RERE: variants seen among roughly 807,000 people sequenced by gnomAD.
RERE encodes the protein arginine-glutamic acid dipeptide repeats protein.
RERE carries 40 observed loss-of-function variants against 146.1 expected under a neutral mutation model. The observed-to-expected ratio is 0.27, with a 90% CI of 0.21 to 0.36. The LOEUF (loss-of-function observed/expected upper bound fraction) is 0.36, where lower values mean the gene tolerates loss of function less well. Ranked by LOEUF, RERE falls within the 10% of genes least tolerant of loss-of-function variation. RERE has a pLI of 1.00. For missense variants in RERE, 1,933 were observed against 2,138.7 expected (o/e 0.90, Z 1.90); for synonymous variants, 1,003 against 866.0 (o/e 1.16, Z -2.78).
chr1:8,763,104 G>A (rs1308114997), intron 1 of RERE, among the ~76,000 whole-genome samples: 4 of 151,980 alleles, frequency 2.6e-5, no homozygotes, highest in African/African-American at 9.7e-5. Context: ...GAAAACAGAA[G>A]ATTATTTCTA....
At chr1:8,453,080 GGA>G (rs1644407204) in intron 11 of RERE, among the ~76,000 whole-genome samples, 1 of 152,280 alleles carries the variant, frequency 6.6e-6, no homozygotes, top group South Asian at 2.1e-4. Context: ...AAAAAGAGAG[GGA>G]GAGAGAGGAA....
At chr1:8,660,943 C>G (rs893012852) in intron 1 of RERE, among the ~76,000 whole-genome samples, 2 of 152,148 alleles carry the variant, frequency 1.3e-5, no homozygotes, top group African/African-American at 4.8e-5. Context: ...ATTTACAGCT[C>G]CAGGTGTTGG....
At chr1:8,762,492 A>G (rs1447006785) in intron 1 of RERE, among the ~76,000 whole-genome samples, 20 of 152,200 alleles carry the variant, frequency 1.3e-4, no homozygotes. Context: ...GACTAATCAT[A>G]ATTTCCATGA....
At chr1:8,584,388 T>TA (rs901445943) in intron 4 of RERE, among the ~76,000 whole-genome samples, 11 of 150,824 alleles carry the variant, frequency 7.3e-5, no homozygotes, top group African/African-American at 2.4e-4. Flanking sequence ...CAACGAAAAA[T>TA]AAAAAAAAAT....
At chr1:8,513,019 C>T (rs914283725) in intron 7 of RERE, 3 of 152,250 alleles carry the variant, frequency 2.0e-5, no homozygotes, top group African/African-American at 7.2e-5. Flanking sequence ...CACCCTCAAG[C>T]ACCACGAGGA....
intron 7 of RERE, among the ~76,000 whole-genome samples, chr1:8,530,190 C>G (rs1307706359): frequency 1.3e-5 from 2 of 152,200 alleles, no homozygotes; most frequent in African/African-American, 4.8e-5. Context: ...TCCCAGACAT[C>G]CTTCTCTCCT....
At chr1:8,512,662 G>A (rs1645356972) in intron 7 of RERE, 1 of 152,406 alleles carries the variant, frequency 6.6e-6, no homozygotes, top group African/African-American at 2.4e-5. Context: ...AGCTCTGGGA[G>A]GCATGAGTGA....
intron 7 of RERE, among the ~76,000 whole-genome samples, chr1:8,520,754 T>TTAA: frequency 1.1e-5 from 1 of 92,992 alleles, no homozygotes; most frequent in African/African-American, 4.1e-5. Context: ...AAAAACTTTT[T>TTAA]AAAAAAAAAA....
chr1:8,812,625 G>A (rs557962660), intron 1 of RERE, among the ~76,000 whole-genome samples: 63 of 152,190 alleles, frequency 4.1e-4, no homozygotes, highest in South Asian at 8.3e-4. Flanking sequence ...CAGCCTGGGT[G>A]ACAGAGCAAG....
chr1:8,556,419 C>T (rs1027084870), intron 6 of RERE, 56 bp downstream of exon 6: 6 of 1,006,486 alleles, frequency 6.0e-6, no homozygotes, highest in Admixed American at 1.7e-5. Flanking sequence ...TTACTCTCCA[C>T]CTCCTGCACT....
rs528038787 is a variant in RERE at position 8,354,645 on chromosome 1, T to A, written c.*442A>T. On this transcript the variant is annotated 3_prime_UTR_variant, in exon 23 of 23. Coordinates refer to ENST00000400908, the MANE Select transcript of RERE (RefSeq NM_001042681.2). ...AAAAGATTTTTTTTTTTAAAAATTA[T>A]AGCTCTTGGATTCCAAATTCCTATG... is the stretch of plus-strand genomic sequence containing the variant. The A allele has an allele frequency of 1.9e-5, 3 of 158,344 alleles. No homozygotes were observed. The highest frequency in any genetic ancestry group is 7.2e-5 in the African/African-American group (3 of 41,846). The allele number at this position is 158,344 out of a possible 1,614,324, so 9.8% of individuals were successfully genotyped here.
At chr1:8,676,276 C>G (rs1474741262) in intron 1 of RERE, among the ~76,000 whole-genome samples, 4 of 152,150 alleles carry the variant, frequency 2.6e-5, no homozygotes, top group Non-Finnish European at 4.4e-5. Flanking sequence ...CAGTGGGAAT[C>G]TGACATCTGT....
chr1:8,401,776 T>A (rs1194476530), intron 12 of RERE, among the ~76,000 whole-genome samples: 8 of 151,774 alleles, frequency 5.3e-5, no homozygotes, highest in African/African-American at 1.5e-4. Flanking sequence ...AAAAAAAGCC[T>A]ACTTTCCCTT....
intron 1 of RERE, among the ~76,000 whole-genome samples, chr1:8,797,288 G>A (rs1641494455): frequency 6.6e-6 from 1 of 151,826 alleles, no homozygotes; most frequent in Admixed American, 6.6e-5. Flanking sequence ...TGTGACAGAA[G>A]AATTACTTGA....
intron 17 of RERE, 38 bp from the exon 18 acceptor site, chr1:8,361,528 GGCAGAGCCCTGTCT>G (rs1233956552): frequency 1.3e-5 from 21 of 1,601,934 alleles, no homozygotes; most frequent in Non-Finnish European, 1.8e-5. Context: ...GTCCCAGGAG[GGCAGAGCCCTGTCT>G]GCTCTGCACC....
chr1:8,624,486 T>C, intron 2 of RERE, 106 bp from the exon 3 acceptor site: 1 of 676,270 alleles, frequency 1.5e-6, no homozygotes, highest in Non-Finnish European at 2.4e-6. Context: ...AGCACATATC[T>C]TTTATTGTAA....
chr1:8,533,529 T>C (rs1335731159), intron 7 of RERE, among the ~76,000 whole-genome samples: 2 of 152,228 alleles, frequency 1.3e-5, no homozygotes, highest in Non-Finnish European at 2.9e-5. Flanking sequence ...TTACATATGC[T>C]TCTGCCAGGT....
intron 2 of RERE, among the ~76,000 whole-genome samples, chr1:8,647,388 T>C (rs1196791237): frequency 6.6e-6 from 1 of 152,120 alleles, no homozygotes; most frequent in African/African-American, 2.4e-5. Flanking sequence ...AGATTAATAA[T>C]AGGTCTAATA....
At chr1:8,732,722 TTAATAA>T (rs1229416901) in intron 1 of RERE, among the ~76,000 whole-genome samples, 2 of 151,930 alleles carry the variant, frequency 1.3e-5, no homozygotes, top group Non-Finnish European at 2.9e-5. Flanking sequence ...ATGCAAGATG[TTAATAA>T]TAGGGGGAAC....
Sources: gnomAD v4.1 joint callset for allele counts (sites outside exome capture counted in the v4.1 genomes callset) on GRCh38, gnomAD v4.1.1 for gene constraint, MANE v1.5 for transcripts, NCBI Gene and HGNC (gene_info 2026-07-23, HGNC 2026-07-21) for gene names.